The following MYO18A variants were observed in gnomAD, a reference collection of about 807,000 sequenced individuals.
MYO18A encodes the protein unconventional myosin-XVIIIa.
Under a neutral mutation model 235.8 loss-of-function variants are expected in MYO18A, and 78 were observed. That is an observed-to-expected ratio of 0.33 (90% CI 0.28 to 0.40). MYO18A has a LOEUF of 0.40. MYO18A is among the 10% of genes least tolerant of loss of function. The pLI, the probability that MYO18A is intolerant of heterozygous loss-of-function variation, is 1.00. For missense variants in MYO18A, 2,215 were observed against 2,699.3 expected, an observed-to-expected ratio of 0.82 and a Z score of 3.98; for synonymous variants, 977 against 1,077.8, an observed-to-expected ratio of 0.91 and a Z score of 1.83.
chr17:29,084,579 C>CGGG (rs368198117), intron 40 of MYO18A, among the ~76,000 whole-genome samples: 13 of 152,238 alleles, frequency 8.5e-5, no homozygotes, highest in African/African-American at 2.9e-4. Context: ...TATTAGTTAA[C>CGGG]GGGGAGCCGA....
At chr17:29,087,440 C>T (rs146562418) in intron 37 of MYO18A, among the ~76,000 whole-genome samples, 177 of 152,262 alleles carry the variant, frequency 1.2e-3, no homozygotes, top group African/African-American at 3.8e-3. Flanking sequence ...GTGGGCCTGT[C>T]GGTATTGACA....
Position 29,107,187 on chromosome 17 carries a change from A to G in MYO18A, c.3334T>C (p.Tyr1112His), listed in dbSNP as rs772419405. 2.5e-5 allele frequency: 41 copies of G among 1,613,968 alleles called. No homozygotes were observed. In the South Asian group the frequency reaches 3.4e-4, roughly 13 times the overall value. The change falls in exon 20 of 42, where the codon TAC (tyrosine) becomes CAC (histidine). Residue 1112 changes from tyrosine (Y) to histidine (H), a missense_variant and splice_region_variant. Physicochemically the swap from Tyr to His is moderately conservative, Grantham distance 83. Transcript: ENST00000527372. ...TCGGAAAACACCATGTGGTCAGGGTAACCTAGAGAGAGCAGCCCAGAGCCA... is the reference window on the plus strand; with the variant it reads ...TCGGAAAACACCATGTGGTCAGGGTGACCTAGAGAGAGCAGCCCAGAGCCA... ...LDAMRMYRQG[Y>H]PDHMVFSEFR...
Position 29,122,236 on chromosome 17 carries a change from C to T in MYO18A, c.1017G>A (p.Gln339=). The stretch of plus-strand genomic sequence containing the variant: ...CATTCCAGGCCTCTTCTGCTGCAAT[C>T]TGTTCTTCTGTTTTCGCCTGTCAGA... ...REPSDAKTEE[Q]IAAEEAWNET... The change falls in exon 3 of 42, where the codon CAG becomes CAA. Residue 339 remains glutamine (Q), a synonymous_variant. Coordinates refer to ENST00000527372, the MANE Select transcript of MYO18A (RefSeq NM_078471.4). The T allele has an allele frequency of 6.2e-7, 1 of 1,613,106 alleles. No individual in the cohort carries two copies. Among genetic ancestry groups the T allele is most frequent in the Non-Finnish European group, 8.5e-7 (1 of 1,179,532 alleles).
chr17:29,098,844 C>T lies in MYO18A; in HGVS notation c.3762G>A (p.Glu1254=), dbSNP rs1373253178. The change falls in exon 23 of 42, where the codon GAG becomes GAA. Residue 1254 remains glutamate, a synonymous_variant. Coordinates refer to ENST00000527372, the MANE Select transcript of MYO18A (RefSeq NM_078471.4). ...CACATACGTCTTTGTTCCGGATCTG[C>T]TCCTCTGACAGCTGTACTTCGATGA... ...RPLIEVQLSE[E]QIRNKDEEIQ... The T allele has an allele frequency of 5.0e-6, 8 of 1,613,874 alleles. No homozygotes were observed. The highest frequency in any genetic ancestry group is 1.7e-5 in the Admixed American group (1 of 60,004).
intron 41 of MYO18A, chr17:29,075,169 C>A: frequency 2.4e-6 from 1 of 421,146 alleles, no homozygotes; most frequent in South Asian, 4.4e-5. Flanking sequence ...GCATAAGAAT[C>A]TGATGCAGGT....
rs751386525 is a variant in MYO18A at position 29,122,152 on chromosome 17, C to T, written c.1087+14G>A. On this transcript the variant is annotated intron_variant, in intron 3 of 41. Transcript: ENST00000527372. ...TGAGTCCTGACATGTGCCCCCAGAC[C>T]CTCTGAGACTCACCCAGTGAGAAGC... 6.2e-7 allele frequency: 1 copy of T among 1,609,946 alleles called. No homozygotes were observed. Among genetic ancestry groups the T allele is most frequent in the African/African-American group, 1.3e-5 (1 of 74,848 alleles).
intron 27 of MYO18A, 27 bp from the exon 28 acceptor site, chr17:29,096,942 C>G: frequency 6.6e-7 from 1 of 1,519,100 alleles, no homozygotes; most frequent in Non-Finnish European, 8.8e-7. Context: ...GGTGCATATA[C>G]AGAGAGACCC....
chr17:29,121,798 GC>G lies in MYO18A; in HGVS notation c.1194+52del. On this transcript the variant is annotated intron_variant, in intron 4 of 41. Coordinates refer to ENST00000527372, the MANE Select transcript of MYO18A (RefSeq NM_078471.4). The surrounding 1 kb of genome is among the most constrained non-coding windows in gnomAD (Gnocchi z 4.2). ...CGCTGCCAGAGGATGGGCCTGCCCT[GC>G]CCAGTGCACTCCTGAGCCTCCTCCC... 1.2e-6 allele frequency: 2 copies of G among 1,611,140 alleles called. No individual in the cohort carries two copies. The highest frequency in any genetic ancestry group is 3.3e-5 in the Admixed American group (2 of 59,830).
intron 2 of MYO18A, among the ~76,000 whole-genome samples, chr17:29,150,994 G>T (rs977694418): frequency 2.0e-5 from 3 of 152,200 alleles, no homozygotes; most frequent in African/African-American, 7.2e-5. Context: ...GGGGCCCCAG[G>T]CAAGGGCCCA....
chr17:29,110,059 C>T lies in MYO18A; in HGVS notation c.3130G>A (p.Val1044Met). 1 of 1,612,938 alleles carries T rather than the reference C, an allele frequency of 6.2e-7. No homozygotes were observed. The highest frequency in any genetic ancestry group is 8.5e-7 in the Non-Finnish European group (1 of 1,179,854). Residue 1044 changes from valine (V) to methionine (M), a missense_variant, in exon 19 of 42, where the codon GTG becomes ATG. Coordinates refer to ENST00000527372, the MANE Select transcript of MYO18A (RefSeq NM_078471.4). ...TCAGCTACAGGCAGGAAGCAGTGCACAAAATGCAGCTTTGACTTCTTGATG... is the reference window on the plus strand; with the variant it reads ...TCAGCTACAGGCAGGAAGCAGTGCATAAAATGCAGCTTTGACTTCTTGATG... ...DTIKKSKLHFVHCFLPVAEGW... is the reference protein window; with the variant it reads ...DTIKKSKLHFMHCFLPVAEGW...
chr17:29,173,328 G>T (rs1387133463), intron 1 of MYO18A, among the ~76,000 whole-genome samples: 1 of 151,842 alleles, frequency 6.6e-6, no homozygotes, highest in African/African-American at 2.4e-5. Context: ...CTGACCTCAG[G>T]TGATCTGCCT....
rs1377188493 is a variant in MYO18A, at chr17:29,148,153, TATATATCTTAACAAA to T, written c.999+17774_999+17788del. Among the ~76,000 whole-genome samples, 14 of 152,216 alleles carry T rather than the reference TATATATCTTAACAAA, an allele frequency of 9.2e-5. No individual in the cohort carries two copies. In the South Asian group the frequency reaches 1.2e-3, roughly 14 times the overall value. On this transcript the variant is annotated intron_variant, in intron 2 of 41. Coordinates refer to ENST00000527372, the MANE Select transcript of MYO18A (RefSeq NM_078471.4). ...TAAGATATATCTTAACAATGAGATA[TATATATCTTAACAAA>T]ATATATCTTAACAAAAGAATACTTC...
Position 29,120,895 on chromosome 17 carries a change from T to G in MYO18A, c.1585+103A>C, listed in dbSNP as rs1420316264. On this transcript the variant is annotated intron_variant, in intron 6 of 41. Transcript: ENST00000527372. The surrounding 1 kb of genome is among the most constrained non-coding windows in gnomAD (Gnocchi z 4.2). ...CGTGGACAGAGGGGTTTCGGGGGGA[T>G]GGAAAGGCCAGGGAGAAAAAGAGCT... 2.6e-6 allele frequency: 4 copies of G among 1,559,066 alleles called. No individual in the cohort carries two copies. The highest frequency in any genetic ancestry group is 3.5e-6 in the Non-Finnish European group (4 of 1,146,260).
At position 29,103,584 on chromosome 17, in the gene MYO18A, T is replaced by C; in HGVS notation, c.3507+15A>G. The C allele has an allele frequency of 6.2e-7, 1 of 1,613,772 alleles. No individual in the cohort carries two copies. The highest frequency in any genetic ancestry group is 8.5e-7 in the Non-Finnish European group (1 of 1,179,800). ...CTGGAGTGAGGCCCGACTGCCCTCCTGTGGGACAACTCACCCGGCTCAGGC... is the reference window on the plus strand; with the variant it reads ...CTGGAGTGAGGCCCGACTGCCCTCCCGTGGGACAACTCACCCGGCTCAGGC... On this transcript the variant is annotated intron_variant, in intron 21 of 41. Transcript: ENST00000527372.
chr17:29,096,120 G>A (rs868165955), intron 28 of MYO18A, among the ~76,000 whole-genome samples: 2 of 152,198 alleles, frequency 1.3e-5, no homozygotes, highest in African/African-American at 4.8e-5. Context: ...TGGGTGTGGG[G>A]ATACCCCTTC....
At chr17:29,129,613 G>A (rs1598352378) in intron 2 of MYO18A, among the ~76,000 whole-genome samples, 1 of 152,336 alleles carries the variant, frequency 6.6e-6, no homozygotes, top group South Asian at 2.1e-4. Context: ...TTGAGTCCTT[G>A]TTACCCAAAA....
rs375949652 is a variant in MYO18A, at chr17:29,092,970, C to T, written c.4958G>A (p.Arg1653Gln). ...VNRRDFESEK[R>Q]LRKDLKRTKA... ...GGTGCGCTTCAGGTCCTTCCGCAGC[C>T]GCTTCTCTGACTCAAAGTCCCGCCG... Residue 1653 changes from arginine (R) to glutamine (Q), a missense_variant, in exon 33 of 42, where the codon CGG becomes CAG. By Grantham distance (43) the Arg-to-Gln change is conservative. Transcript: ENST00000527372. 1.5e-5 allele frequency: 24 copies of T among 1,613,664 alleles called. No homozygotes were observed. Among genetic ancestry groups the T allele is most frequent in the African/African-American group, 6.7e-5 (5 of 75,020 alleles).
intron 2 of MYO18A, among the ~76,000 whole-genome samples, chr17:29,131,600 C>T (rs1899353689): frequency 6.6e-6 from 1 of 152,246 alleles, no homozygotes; most frequent in Non-Finnish European, 1.5e-5. Context: ...AAGAGCTATC[C>T]TATCCTAGAA....
At position 29,089,975 on chromosome 17, in the gene MYO18A, C is replaced by T; in HGVS notation, c.5512G>A (p.Val1838Met). The T allele has an allele frequency of 6.2e-7, 1 of 1,614,066 alleles. No individual in the cohort carries two copies. Among genetic ancestry groups the T allele is most frequent in the Non-Finnish European group, 8.5e-7 (1 of 1,179,896 alleles). Residue 1838 changes from valine to methionine, a missense_variant, in exon 37 of 42, where the codon GTG (valine) becomes ATG (methionine). Coordinates refer to ENST00000527372, the MANE Select transcript of MYO18A (RefSeq NM_078471.4). ...TGTGAACCCACCTCCAGCCGTTTCA[C>T]TTGCGTCCTTTCAAACTCCAGGCGT... is the stretch of plus-strand genomic sequence containing the variant. ...ETRLEFERTQVKRLESLASRL... is the reference protein window; with the variant it reads ...ETRLEFERTQMKRLESLASRL...
Sources: gnomAD v4.1 joint callset for allele counts (sites outside exome capture counted in the v4.1 genomes callset) on GRCh38, gnomAD v4.1.1 for gene constraint, Gnocchi (gnomAD v3.1) non-coding constraint, MANE v1.5 for transcripts, NCBI Gene and HGNC (gene_info 2026-07-23, HGNC 2026-07-21) for gene names.